SYNE4: variants seen among roughly 807,000 people sequenced by gnomAD.
SYNE4 encodes the protein nesprin-4.
SYNE4 carries 41 observed loss-of-function variants against 46.9 expected under a neutral mutation model. The ratio of observed to expected loss-of-function variants is 0.87; its 90% CI spans 0.68 to 1.13. The LOEUF is 1.13. Among genes scored for constraint, SYNE4 ranks in the 50% most tolerant of loss-of-function variants. The pLI, the probability that SYNE4 is intolerant of heterozygous loss-of-function variation, is 0.00. For missense variants in SYNE4, 492 were observed against 514.8 expected (o/e 0.96, Z 0.43); for synonymous variants, 221 against 219.5 (o/e 1.01, Z -0.06).
chr19:36,008,667 C>G lies in SYNE4; in HGVS notation c.15G>C (p.Leu5=). The G allele has an allele frequency of 1.2e-6, 2 of 1,612,610 alleles. No homozygotes were observed. The highest frequency in any genetic ancestry group is 1.7e-6 in the Non-Finnish European group (2 of 1,179,450). The change falls in exon 1 of 8, where the codon CTG becomes CTC. Residue 5 remains leucine, a synonymous_variant. Transcript: ENST00000324444. ...CTGAGCCAAGTCTAGGGCCCAGAGG[C>G]AGGGACAGGGCCATGGCTGGGGGCC... MALS[L]PLGPRLGSEP...
At position 36,008,319 on chromosome 19, in the gene SYNE4, C is replaced by T. The variant is rs766585649; in HGVS notation, c.177G>A (p.Glu59=). The change falls in exon 2 of 8, where the codon GAG becomes GAA. Residue 59 remains glutamate, a synonymous_variant. Transcript: ENST00000324444. ...TGCCCCTTGGCCCACCCTGGAAGTG[C>T]TCAGGAGGGCCCAAGGAGTCCTGTC... ...TLGQDSLGPP[E]HFQGGPRGNE... 1.3e-6 allele frequency: 2 copies of T among 1,577,650 alleles called. No individual in the cohort carries two copies. Among genetic ancestry groups the T allele is most frequent in the South Asian group, 2.3e-5 (2 of 85,226 alleles).
chr19:36,006,190 G>T, intron 5 of SYNE4: 1 of 534,828 alleles, frequency 1.9e-6, no homozygotes, highest in Non-Finnish European at 3.1e-6. Flanking sequence ...AGGTGAGTGG[G>T]GCATCATCTG....
Position 36,007,218 on chromosome 19 carries a change from G to A in SYNE4, c.330C>T (p.His110=). ...GGCGGCCCAGCCCCAGCAGGCACAGGTGCAGGCTGTTCTGCTCAGCCTCTA... is the reference window on the plus strand; with the variant it reads ...GGCGGCCCAGCCCCAGCAGGCACAGATGCAGGCTGTTCTGCTCAGCCTCTA... ...EVLEAEQNSL[H]LCLLGLGRRL... Residue 110 remains histidine (H), a synonymous_variant, in exon 3 of 8, where the codon CAC becomes CAT. Coordinates refer to ENST00000324444, the MANE Select transcript of SYNE4 (RefSeq NM_001039876.3). 1 of 1,589,538 alleles carries A rather than the reference G, an allele frequency of 6.3e-7. No individual in the cohort carries two copies. The highest frequency in any genetic ancestry group is 8.6e-7 in the Non-Finnish European group (1 of 1,168,590).
chr19:36,007,004 C>A, intron 3 of SYNE4, 60 bp from the exon 4 acceptor site: 1 of 1,530,678 alleles, frequency 6.5e-7, no homozygotes, highest in South Asian at 1.2e-5. Flanking sequence ...TGGAGTTACC[C>A]CCCTCCCCCA....
intron 5 of SYNE4, 162 bp from the exon 6 acceptor site, chr19:36,005,599 A>G: frequency 1.6e-6 from 1 of 637,822 alleles, no homozygotes; most frequent in Middle Eastern, 4.1e-4. Flanking sequence ...CATTCAATAA[A>G]TGTGTAATGA....
Position 36,007,223 on chromosome 19 carries a change from G to T in SYNE4, c.325C>A (p.Leu109Met). The T allele has an allele frequency of 6.3e-7, 1 of 1,591,530 alleles. No individual in the cohort carries two copies. The highest frequency in any genetic ancestry group is 8.5e-7 in the Non-Finnish European group (1 of 1,169,716). The change falls in exon 3 of 8, where the codon CTG (leucine) becomes ATG (methionine). Residue 109 changes from leucine to methionine, a missense_variant. Leu to Met is a conservative substitution (Grantham distance 15). Coordinates refer to ENST00000324444, the MANE Select transcript of SYNE4 (RefSeq NM_001039876.3). ...CCCAGCCCCAGCAGGCACAGGTGCA[G>T]GCTGTTCTGCTCAGCCTCTAGTACC... ...LEVLEAEQNSLHLCLLGLGRR... is the reference protein window; with the variant it reads ...LEVLEAEQNSMHLCLLGLGRR...
rs774916410 is a variant in SYNE4, at chr19:36,006,900, C to T, written c.468G>A (p.Ala156=). The T allele has an allele frequency of 5.2e-5, 81 of 1,556,152 alleles. No individual in the cohort carries two copies. Among genetic ancestry groups the T allele is most frequent in the Middle Eastern group, 1.7e-4 (1 of 6,018 alleles). ...CCAGCCCCTCACCAAACGCTAGCAG[C>T]GCCTCCACACGCTCAGCTGCCCCTC... ...DLRGAAERVE[A]LLAFGEGLAQ... is the part of the protein sequence containing the mutation. The change falls in exon 4 of 8, where the codon GCG becomes GCA. Residue 156 remains alanine, a synonymous_variant. Transcript: ENST00000324444.
intron 6 of SYNE4, among the ~76,000 whole-genome samples, chr19:36,004,738 G>A (rs1030537407): frequency 3.3e-5 from 5 of 152,104 alleles, no homozygotes; most frequent in Non-Finnish European, 7.4e-5. Context: ...TCCTTCCCCT[G>A]GGGTGGGTAA....
chr19:36,006,494 C>A lies in SYNE4; in HGVS notation c.796G>T (p.Ala266Ser). ...TCACAGGGCACTCCTAGTGTCCGGG[C>A]TGTCTTTTGTCCCAAGGGCCCAAGG... is the stretch of plus-strand genomic sequence containing the variant. ...GGLGPLGQKT[A>S]RTLGVPCELC... Residue 266 changes from alanine (A) to serine (S), a missense_variant, in exon 5 of 8, where the codon GCC becomes TCC. Transcript: ENST00000324444. The A allele has an allele frequency of 6.2e-7, 1 of 1,611,778 alleles. No homozygotes were observed. Among genetic ancestry groups the A allele is most frequent in the Non-Finnish European group, 8.5e-7 (1 of 1,179,060 alleles).
chr19:36,005,595 A>G (rs1024629229), intron 5 of SYNE4, 158 bp from the exon 6 acceptor site: 1 of 647,180 alleles, frequency 1.5e-6, no homozygotes, highest in South Asian at 1.9e-5. Flanking sequence ...CATTCATTCA[A>G]TAAATGTGTA....
At position 36,008,760 on chromosome 19, in the gene SYNE4, C is replaced by A; in HGVS notation, c.-79G>T. 1 of 1,492,034 alleles carries A rather than the reference C, an allele frequency of 6.7e-7. No homozygotes were observed. Among genetic ancestry groups the A allele is most frequent in the Non-Finnish European group, 8.9e-7 (1 of 1,120,164 alleles). 92.4% of individuals were successfully genotyped at this position (1,492,034 alleles called of 1,614,324 possible). A position where few individuals can be genotyped will look rare whatever the true frequency, so the allele number is the denominator to read the frequency against. Reference sequence around the variant, plus strand: ...CCCTAGACAAGGGTGTCCCAGAGCTCCTCCGCTGGAGTCACCCGGGCCTGA... The same window carrying A: ...CCCTAGACAAGGGTGTCCCAGAGCTACTCCGCTGGAGTCACCCGGGCCTGA... On this transcript the variant is annotated 5_prime_UTR_variant, in exon 1 of 8. Coordinates refer to ENST00000324444, the MANE Select transcript of SYNE4 (RefSeq NM_001039876.3).
chr19:36,007,957 G>A (rs779285915), intron 2 of SYNE4, among the ~76,000 whole-genome samples: 2 of 151,858 alleles, frequency 1.3e-5, no homozygotes, highest in African/African-American at 4.8e-5. Context: ...CCTGGGAGGC[G>A]GAGGTTGCAG....
chr19:36,006,729 G>A (rs756633531), intron 4 of SYNE4, 21 bp downstream of exon 4: 3 of 1,594,798 alleles, frequency 1.9e-6, no homozygotes, highest in East Asian at 2.2e-5. Flanking sequence ...GTTGGGTGGG[G>A]GGTATCAAGA....
At position 36,007,212 on chromosome 19, in the gene SYNE4, G is replaced by T. The variant is rs368669131; in HGVS notation, c.336C>A (p.Cys112Ter). The change falls in exon 3 of 8, where the codon TGC becomes TGA. Residue 112 changes from cysteine (C) to a stop codon, truncating the protein, a stop_gained. Transcript: ENST00000324444. LOFTEE classifies it high-confidence loss of function. ...GCAGCCGGCGGCCCAGCCCCAGCAG[G>T]CACAGGTGCAGGCTGTTCTGCTCAG... is the stretch of plus-strand genomic sequence containing the variant. ...LEAEQNSLHL[C>*]LLGLGRRLQD... 4 of 1,587,586 alleles carry T rather than the reference G, an allele frequency of 2.5e-6. No homozygotes were observed. In the Admixed American group the frequency reaches 7.2e-5, roughly 29 times the overall value.
At position 36,008,293 on chromosome 19, in the gene SYNE4, T is replaced by C. The variant is rs895088095; in HGVS notation, c.203A>G (p.Asn68Ser). 6.3e-7 allele frequency: 1 copy of C among 1,595,398 alleles called. No individual in the cohort carries two copies. Among genetic ancestry groups the C allele is most frequent in the Non-Finnish European group, 8.5e-7 (1 of 1,170,154 alleles). Residue 68 changes from asparagine (N) to serine (S), a missense_variant, in exon 2 of 8, where the codon AAT becomes AGT. Physicochemically the swap from Asn to Ser is conservative, Grantham distance 46 (BLOSUM62 1). Transcript: ENST00000324444. ...TCTCGGGGGGTGAGCGGCAGGCTCATTGCCCCTTGGCCCACCCTGGAAGTG... is the reference window on the plus strand; with the variant it reads ...TCTCGGGGGGTGAGCGGCAGGCTCACTGCCCCTTGGCCCACCCTGGAAGTG... ...PEHFQGGPRG[N>S]EPAAHPPRWS...
chr19:36,004,766 T>C (rs1599675412), intron 6 of SYNE4, among the ~76,000 whole-genome samples: 1 of 151,656 alleles, frequency 6.6e-6, no homozygotes, highest in East Asian at 1.9e-4. Context: ...GGAGTGGCAG[T>C]GTAGCCACTG....
rs1388706596 is a variant in SYNE4 at position 36,006,956 on chromosome 19, T to C, written c.424-12A>G. 8 of 1,542,264 alleles carry C rather than the reference T, an allele frequency of 5.2e-6. No homozygotes were observed. In the Admixed American group the frequency reaches 1.2e-4, roughly 23 times the overall value. On this transcript the variant is annotated splice_polypyrimidine_tract_variant and intron_variant, in intron 3 of 7. Coordinates refer to ENST00000324444, the MANE Select transcript of SYNE4 (RefSeq NM_001039876.3). ...TCCACCTGGAGGGCCTGGGGACATA[T>C]GGACATCACCCCACGCACACACCAG... is the stretch of plus-strand genomic sequence containing the variant.
rs1968453016 is a variant in SYNE4 at position 36,008,299 on chromosome 19, C to T, written c.197G>A (p.Arg66Lys). 1.3e-6 allele frequency: 2 copies of T among 1,591,862 alleles called. No individual in the cohort carries two copies. Among genetic ancestry groups the T allele is most frequent in the Admixed American group, 1.7e-5 (1 of 57,974 alleles). Residue 66 changes from arginine (R) to lysine (K), a missense_variant, in exon 2 of 8, where the codon AGG becomes AAG. Arg to Lys is a conservative substitution (Grantham distance 26). Transcript: ENST00000324444. ...GPPEHFQGGPRGNEPAAHPPR... is the reference protein window; with the variant it reads ...GPPEHFQGGPKGNEPAAHPPR... Reference sequence around the variant, plus strand: ...GGGGTGAGCGGCAGGCTCATTGCCCCTTGGCCCACCCTGGAAGTGCTCAGG... The same window carrying T: ...GGGGTGAGCGGCAGGCTCATTGCCCTTTGGCCCACCCTGGAAGTGCTCAGG...
chr19:36,004,527 G>A (rs941344816), intron 6 of SYNE4, among the ~76,000 whole-genome samples: 2 of 152,134 alleles, frequency 1.3e-5, no homozygotes, highest in Non-Finnish European at 1.5e-5. Flanking sequence ...ATTGGAGGTG[G>A]GCGGCTGTCA....
Sources: gnomAD v4.1 joint callset for allele counts (sites outside exome capture counted in the v4.1 genomes callset) on GRCh38, gnomAD v4.1.1 for gene constraint, MANE v1.5 for transcripts, NCBI Gene and HGNC (gene_info 2026-07-23, HGNC 2026-07-21) for gene names.